DDX17: variants seen among roughly 807,000 people sequenced by gnomAD.
The protein encoded by DDX17 is DEAD-box helicase 17.
Under a neutral mutation model 80.8 loss-of-function variants are expected in DDX17, and 10 were observed. The observed-to-expected ratio is 0.12, with a 90% CI of 0.08 to 0.21. DDX17 has a LOEUF of 0.21. DDX17 is among the 10% of genes least tolerant of loss of function. The pLI, the probability that DDX17 is intolerant of heterozygous loss-of-function variation, is 1.00. For missense variants in DDX17, 586 were observed against 957.4 expected (o/e 0.61, Z 5.12); for synonymous variants, 339 against 336.2 (o/e 1.01, Z -0.09).
At chr22:38,504,126 A>T (rs1602687972) in intron 1 of DDX17, among the ~76,000 whole-genome samples, 1 of 152,240 alleles carries the variant, frequency 6.6e-6, no homozygotes, top group Non-Finnish European at 1.5e-5. Flanking sequence ...TTTCAAGCTT[A>T]CAACTTTCAC....
chr22:38,495,979 TAAAAAA>T (rs201173235), intron 5 of DDX17, 42 bp from the exon 6 acceptor site: 128 of 803,862 alleles, frequency 1.6e-4, no homozygotes, highest in Non-Finnish European at 1.8e-4. Context: ...ATCCAAGGTT[TAAAAAA>T]AAAAAAAAAA....
rs751233594 is a variant in DDX17, at chr22:38,485,846, AAAG to A, written c.*86_*88del. On this transcript the variant is annotated 3_prime_UTR_variant, in exon 13 of 13. Coordinates refer to ENST00000403230, the MANE Select transcript of DDX17 (RefSeq NM_006386.5). ...AAAAAAAAAAGAAAAAAGGAAAAAA[AAAG>A]AAAAGGCGAAGAGGAAAAAAAAAGG... is the stretch of plus-strand genomic sequence containing the variant. The A allele has an allele frequency of 5.5e-6, 8 of 1,448,870 alleles. No individual in the cohort carries two copies. The East Asian group carries it at 1.7e-4, about 31-fold the overall frequency. The allele number at this position is 1,448,870 out of a possible 1,614,324, so 89.8% of individuals were successfully genotyped here. A position where few individuals can be genotyped will look rare whatever the true frequency, so the allele number is the denominator to read the frequency against.
chr22:38,485,959 G>GGGA lies in DDX17; in HGVS notation c.2163_2165dup (p.Pro726dup), dbSNP rs748363097. 5 of 1,613,574 alleles carry GGGA rather than the reference G, an allele frequency of 3.1e-6. No homozygotes were observed. The highest frequency in any genetic ancestry group is 2.2e-5 in the East Asian group (1 of 44,894). On this transcript the variant is annotated inframe_insertion, in exon 13 of 13. Transcript: ENST00000403230. The stretch of plus-strand genomic sequence containing the variant: ...TTCATTTACGTGAAGGAGGAGGAGG[G>GGGA]GGAGGAGGAGGAGGGTATTGGTAGG...
intron 11 of DDX17, chr22:38,490,279 G>GA (rs1387898804): frequency 7.9e-7 from 1 of 1,265,698 alleles, no homozygotes; most frequent in African/African-American, 1.5e-5. Flanking sequence ...ACTGGGATAA[G>GA]AACCTTTTGT....
Position 38,494,617 on chromosome 22 carries a change from A to G in DDX17, c.1214+13T>C, listed in dbSNP as rs761593916. 18 of 1,612,672 alleles carry G rather than the reference A, an allele frequency of 1.1e-5. No individual in the cohort carries two copies. Among genetic ancestry groups the G allele is most frequent in the Admixed American group, 5.0e-5 (3 of 59,882 alleles). Reference sequence around the variant, plus strand: ...ATCAGCATTATCAAATCAGAGTAAAATATCTTTCATACTTGTGGTCTTTTT... The same window carrying G: ...ATCAGCATTATCAAATCAGAGTAAAGTATCTTTCATACTTGTGGTCTTTTT... On this transcript the variant is annotated intron_variant, in intron 8 of 12. Coordinates refer to ENST00000403230, the MANE Select transcript of DDX17 (RefSeq NM_006386.5).
In DDX17 at chr22:38,484,026, C is replaced by T. The variant is rs927374814; in HGVS notation, c.*1909G>A. 2.0e-5 allele frequency: 3 copies of T among 152,548 alleles called. No homozygotes were observed. Among genetic ancestry groups the T allele is most frequent in the Non-Finnish European group, 4.4e-5 (3 of 68,030 alleles). The allele number at this position is 152,548 out of a possible 1,614,324, so 9.4% of individuals were successfully genotyped here. ...TCCCTCAAACAGATGCTTTCAAGAG[C>T]TGCGAGAGAGTAGGGCATCCCTTGT... is the stretch of plus-strand genomic sequence containing the variant. On this transcript the variant is annotated 3_prime_UTR_variant, in exon 13 of 13. Transcript: ENST00000403230.
intron 12 of DDX17, 102 bp from the exon 13 acceptor site, chr22:38,486,542 G>A (rs2089661892): frequency 7.0e-7 from 1 of 1,425,862 alleles, no homozygotes; most frequent in African/African-American, 1.4e-5. Context: ...ATGTCTCCTT[G>A]ATATTTAGTT....
At chr22:38,493,511 T>C (rs549168097) in intron 10 of DDX17, 199 bp downstream of exon 10, 2 of 571,278 alleles carry the variant, frequency 3.5e-6, no homozygotes, top group African/African-American at 1.9e-5. Context: ...CTTTACATAT[T>C]ATCTACAGCC....
At chr22:38,497,342 C>T (rs1321987706) in intron 5 of DDX17, among the ~76,000 whole-genome samples, 3 of 140,800 alleles carry the variant, frequency 2.1e-5, no homozygotes, top group South Asian at 2.3e-4. Context: ...CAATGCCAGG[C>T]GCGGTGGCTC....
rs2089691958 is a variant in DDX17 at position 38,489,345 on chromosome 22, C to T, written c.1448-1230G>A. On this transcript the variant is annotated intron_variant, in intron 11 of 12. Coordinates refer to ENST00000403230, the MANE Select transcript of DDX17 (RefSeq NM_006386.5). This position sits in a 1 kb window ranked among gnomAD's most constrained non-coding sequence, Gnocchi z 4.6. Reference sequence around the variant, plus strand: ...CTTCTGACACGGGACCACTGGAGCGCGGGGAGCATGCATCAAGGGTCCGTG... The same window carrying T: ...CTTCTGACACGGGACCACTGGAGCGTGGGGAGCATGCATCAAGGGTCCGTG... The T allele has an allele frequency of 6.1e-6, 6 of 985,548 alleles. No homozygotes were observed. The highest frequency in any genetic ancestry group is 6.2e-5 in the Admixed American group (1 of 16,232). The allele number at this position is 985,548 out of a possible 1,614,324, so 61.1% of individuals were successfully genotyped here. A position where few individuals can be genotyped will look rare whatever the true frequency, so the allele number is the denominator to read the frequency against.
chr22:38,492,517 G>A (rs1168812126), intron 10 of DDX17, among the ~76,000 whole-genome samples: 2 of 151,948 alleles, frequency 1.3e-5, no homozygotes, highest in Non-Finnish European at 2.9e-5. Flanking sequence ...ATGGAGTTTC[G>A]CTCTTATTGC....
At chr22:38,501,430 G>GA in intron 1 of DDX17, 150 bp from the exon 2 acceptor site, 1 of 994,638 alleles carries the variant, frequency 1.0e-6, no homozygotes, top group Non-Finnish European at 1.4e-6. Context: ...TAAAGGTATG[G>GA]AGAAATGTGT....
intron 11 of DDX17, chr22:38,490,574 G>T (rs1444459278): frequency 8.9e-6 from 6 of 673,664 alleles, no homozygotes; most frequent in Non-Finnish European, 8.6e-6. Flanking sequence ...AAAATTATGG[G>T]AATCAAAGAA....
intron 6 of DDX17, 31 bp from the exon 7 acceptor site, chr22:38,495,077 C>T (rs376816418): frequency 1.9e-5 from 31 of 1,597,862 alleles, no homozygotes; most frequent in South Asian, 6.8e-5. Context: ...TCGAGCCAAT[C>T]GACTAGGTGC....
intron 4 of DDX17, 114 bp downstream of exon 4, chr22:38,498,326 A>C: frequency 6.8e-7 from 1 of 1,471,874 alleles, no homozygotes; most frequent in Non-Finnish European, 9.2e-7. Context: ...TTAATAACTA[A>C]AATAGTATCT....
In DDX17 at chr22:38,500,460, GTGAAACCC is replaced by G. The variant is rs1444636396; in HGVS notation, c.438+662_438+669del. ...GACGGAGACCAGTCTGATCAACATG[GTGAAACCC>G]TGACTCTTGCACTCCAGCCTGGGTG... On this transcript the variant is annotated intron_variant, in intron 2 of 12. Transcript: ENST00000403230. Among the ~76,000 whole-genome samples, 5 of 151,714 alleles carry G rather than the reference GTGAAACCC, an allele frequency of 3.3e-5. No individual in the cohort carries two copies. In the East Asian group the frequency reaches 9.7e-4, roughly 30 times the overall value.
intron 1 of DDX17, among the ~76,000 whole-genome samples, chr22:38,504,827 C>T (rs1271250407): frequency 3.3e-5 from 5 of 151,752 alleles, no homozygotes; most frequent in African/African-American, 4.8e-5. Flanking sequence ...TCACGTTCCT[C>T]AGAGGAAACA....
chr22:38,492,869 A>C (rs2089726793), intron 10 of DDX17, among the ~76,000 whole-genome samples: 1 of 152,256 alleles, frequency 6.6e-6, no homozygotes, highest in Non-Finnish European at 1.5e-5. Context: ...AAGGACTGAA[A>C]GGAAATATGC....
At chr22:38,491,333 CTT>C (rs950474662) in intron 11 of DDX17, 1 of 151,666 alleles carries the variant, frequency 6.6e-6, no homozygotes, top group Non-Finnish European at 1.5e-5. Flanking sequence ...TACAAATAAT[CTT>C]TTTTTTTAAA....
Sources: allele counts gnomAD v4.1 joint callset (sites outside exome capture counted in the v4.1 genomes callset), GRCh38; gene constraint gnomAD v4.1.1; non-coding constraint Gnocchi (gnomAD v3.1); transcripts MANE v1.5; gene names NCBI Gene and HGNC (gene_info 2026-07-23, HGNC 2026-07-21).